CYP4F3: variants seen among roughly 807,000 people sequenced by gnomAD.
CYP4F3 encodes cytochrome P450 family 4 subfamily F member 3, also known as cytochrome P450 4F3.
Under a neutral mutation model 54.8 loss-of-function variants are expected in CYP4F3, and 50 were observed. The observed-to-expected ratio is 0.91, with a 90% CI of 0.73 to 1.16. CYP4F3 has a LOEUF of 1.16. CYP4F3 is among the 50% of genes most tolerant of loss of function. CYP4F3 has a pLI of 0.00. For synonymous variants in CYP4F3, 244 were observed against 262.6 expected, an observed-to-expected ratio of 0.93 and a Z score of 0.69; for missense variants, 715 against 676.2, an observed-to-expected ratio of 1.06 and a Z score of -0.64.
At chr19:15,654,130 G>T (rs28371539) in intron 9 of CYP4F3, among the ~76,000 whole-genome samples, 6 of 152,166 alleles carry the variant, frequency 3.9e-5, no homozygotes, top group Non-Finnish European at 8.8e-5. Context: ...GGGTGTCTTG[G>T]ACTCAGTGTC....
intron 6 of CYP4F3, among the ~76,000 whole-genome samples, chr19:15,649,591 G>T (rs1056506572): frequency 6.6e-6 from 1 of 152,124 alleles, no homozygotes; most frequent in Non-Finnish European, 1.5e-5. Context: ...AGAGGATAAA[G>T]TCTGAGCTTT....
chr19:15,658,856 G>C (rs1973109955), intron 12 of CYP4F3, 47 bp downstream of exon 12: 1 of 1,603,664 alleles, frequency 6.2e-7, no homozygotes, highest in Admixed American at 1.7e-5. Flanking sequence ...ATAGGTGCAG[G>C]GGTCTGGGCA....
intron 1 of CYP4F3, chr19:15,641,194 C>T: frequency 3.5e-6 from 2 of 569,848 alleles, no homozygotes; most frequent in South Asian, 4.5e-5. Context: ...CTCTGTCTTT[C>T]TCAATCTAAG....
chr19:15,644,577 C>T (rs1972569494), intron 2 of CYP4F3, among the ~76,000 whole-genome samples: 2 of 136,196 alleles, frequency 1.5e-5, no homozygotes, highest in African/African-American at 6.0e-5. Flanking sequence ...TTGCCTGTCA[C>T]AAAGGTTAGA....
At chr19:15,648,846 AG>A (rs2144646492) in intron 5 of CYP4F3, among the ~76,000 whole-genome samples, 1 of 152,322 alleles carries the variant, frequency 6.6e-6, no homozygotes, top group East Asian at 1.9e-4. Context: ...ATGGCTCCAA[AG>A]CACATCATCT....
chr19:15,645,021 A>G (rs986100300), intron 2 of CYP4F3, among the ~76,000 whole-genome samples: 12 of 152,220 alleles, frequency 7.9e-5, no homozygotes, highest in African/African-American at 2.7e-4. Context: ...TCCAGGTCTC[A>G]CACAGTGTTA....
At chr19:15,651,777 C>T (rs1471790973) in intron 7 of CYP4F3, among the ~76,000 whole-genome samples, 1 of 152,134 alleles carries the variant, frequency 6.6e-6, no homozygotes, top group African/African-American at 2.4e-5. Context: ...GTGTTTGTGT[C>T]TAAGTCTATG....
At chr19:15,652,714 TTCCCATCCCCCTTCCCCCATCC>T in intron 8 of CYP4F3, 79 bp downstream of exon 8, 2 of 1,610,188 alleles carry the variant, frequency 1.2e-6, no homozygotes, top group South Asian at 2.2e-5. Context: ...CCCCTCGCAC[TTCCCATCCCCCTTCCCCCATCC>T]TCCCTGAGGT....
intron 9 of CYP4F3, among the ~76,000 whole-genome samples, chr19:15,654,081 C>CT (rs1341864453): frequency 7.0e-6 from 1 of 143,242 alleles, no homozygotes; most frequent in Non-Finnish European, 1.6e-5. Flanking sequence ...TCAAGCCAGG[C>CT]CAGGGGCTGG....
chr19:15,653,637 A>G (rs933469943), intron 9 of CYP4F3, among the ~76,000 whole-genome samples: 2 of 151,912 alleles, frequency 1.3e-5, no homozygotes, highest in African/African-American at 2.4e-5. Flanking sequence ...TCTCAGTTGA[A>G]AGCCTGAATA....
chr19:15,656,505 C>T (rs139191361), intron 9 of CYP4F3, among the ~76,000 whole-genome samples: 1 of 59,952 alleles, frequency 1.7e-5, no homozygotes, highest in East Asian at 6.9e-4. Flanking sequence ...ATCTATCTAT[C>T]TATCTATCTA....
chr19:15,643,859 C>T (rs1972545842), intron 2 of CYP4F3: 1 of 1,481,806 alleles, frequency 6.7e-7, no homozygotes, highest in Non-Finnish European at 8.9e-7. Context: ...CAAGTGGACA[C>T]CTAGAATTAA....
chr19:15,661,049 A>G lies in CYP4F3; in HGVS notation c.*1664A>G, dbSNP rs889705136. 1 of 152,084 alleles carries G rather than the reference A, an allele frequency of 6.6e-6. No individual in the cohort carries two copies. Among genetic ancestry groups the G allele is most frequent in the Non-Finnish European group, 1.5e-5 (1 of 68,022 alleles). 9.4% of individuals were successfully genotyped at this position (152,084 alleles called of 1,614,324 possible). Reference sequence around the variant, plus strand: ...TGTTATACGTACACTTAGAATAATGATCCAGCCATCTCATTCTAACAGCAA... The same window carrying G: ...TGTTATACGTACACTTAGAATAATGGTCCAGCCATCTCATTCTAACAGCAA... On this transcript the variant is annotated 3_prime_UTR_variant, in exon 13 of 13. Coordinates refer to ENST00000221307, the MANE Select transcript of CYP4F3 (RefSeq NM_000896.3).
At chr19:15,641,215 G>A in intron 1 of CYP4F3, 200 bp from the exon 2 acceptor site, 1 of 609,806 alleles carries the variant, frequency 1.6e-6, no homozygotes. Context: ...TGCTTACCGG[G>A]TAACTGGAGG....
At chr19:15,641,707 G>T in intron 2 of CYP4F3, 94 bp downstream of exon 2, 86 of 832,898 alleles carry the variant, frequency 1.0e-4, no homozygotes, top group Non-Finnish European at 1.4e-4. Flanking sequence ...GTGGGCTGGG[G>T]TCTGGGGTGG....
intron 7 of CYP4F3, among the ~76,000 whole-genome samples, chr19:15,650,550 CTA>C (rs1972764887): frequency 6.6e-6 from 1 of 152,232 alleles, no homozygotes; most frequent in South Asian, 2.1e-4. Flanking sequence ...ATGACTATGT[CTA>C]TGTCTTTGTC....
intron 9 of CYP4F3, among the ~76,000 whole-genome samples, chr19:15,657,271 T>C (rs1016077053): frequency 6.6e-6 from 1 of 152,228 alleles, no homozygotes; most frequent in African/African-American, 2.4e-5. Flanking sequence ...TGAAGTGCAA[T>C]TGCTGAATCA....
At chr19:15,644,449 G>A (rs1027204784) in intron 2 of CYP4F3, among the ~76,000 whole-genome samples, 1 of 152,246 alleles carries the variant, frequency 6.6e-6, no homozygotes, top group Non-Finnish European at 1.5e-5. Flanking sequence ...CCTTCCTGGA[G>A]GAAGAGTTAC....
chr19:15,643,036 G>T (rs1378617645), intron 2 of CYP4F3, among the ~76,000 whole-genome samples: 5 of 151,704 alleles, frequency 3.3e-5, no homozygotes, highest in Non-Finnish European at 7.4e-5. Context: ...ATGATTGATA[G>T]ATAATAGGAT....
Sources: gnomAD v4.1 joint callset for allele counts (sites outside exome capture counted in the v4.1 genomes callset) on GRCh38, gnomAD v4.1.1 for gene constraint, MANE v1.5 for transcripts, NCBI Gene and HGNC (gene_info 2026-07-23, HGNC 2026-07-21) for gene names.